CYRIB: variants seen among roughly 807,000 people sequenced by gnomAD.
The protein encoded by CYRIB is CYFIP-related Rac1 interactor B.
CYRIB carries 8 observed loss-of-function variants against 44.2 expected under a neutral mutation model. The ratio of observed to expected loss-of-function variants is 0.18; its 90% CI spans 0.11 to 0.33. The LOEUF is 0.33. CYRIB is among the 10% of genes least tolerant of loss of function. CYRIB has a pLI of 1.00. For synonymous variants in CYRIB, 131 were observed against 127.2 expected, an observed-to-expected ratio of 1.03 and a Z score of -0.20; for missense variants, 185 against 382.8, an observed-to-expected ratio of 0.48 and a Z score of 4.31.
At chr8:129,971,434 T>G (rs2095688026) in intron 1 of CYRIB, among the ~76,000 whole-genome samples, 1 of 152,222 alleles carries the variant, frequency 6.6e-6, no homozygotes, top group Non-Finnish European at 1.5e-5. Context: ...TGAATTGTTT[T>G]GCAAACAGTT....
chr8:129,949,147 T>C (rs1413556301), intron 2 of CYRIB: 1 of 152,144 alleles, frequency 6.6e-6, no homozygotes, highest in African/African-American at 2.4e-5. Context: ...AAAAGATTGA[T>C]AAAGTGTATT....
At chr8:129,978,703 A>C (rs1391206678) in intron 1 of CYRIB, among the ~76,000 whole-genome samples, 1 of 152,202 alleles carries the variant, frequency 6.6e-6, no homozygotes, top group African/African-American at 2.4e-5. Context: ...AAAGATGCTA[A>C]TACACTGGGG....
chr8:129,860,564 ACTGT>A (rs1263438763), intron 5 of CYRIB, among the ~76,000 whole-genome samples: 12 of 152,348 alleles, frequency 7.9e-5, no homozygotes, highest in Middle Eastern at 3.4e-3. Flanking sequence ...TATCCAAACT[ACTGT>A]CTGTCTTAAC....
At chr8:129,894,565 C>A (rs2066961666) in intron 2 of CYRIB, 1 of 152,158 alleles carries the variant, frequency 6.6e-6, no homozygotes, top group Admixed American at 6.5e-5. Flanking sequence ...TTAGGAGGAA[C>A]TGGAGGGTGA....
intron 1 of CYRIB, among the ~76,000 whole-genome samples, chr8:129,912,693 T>C (rs2078659619): frequency 6.6e-6 from 1 of 152,144 alleles, no homozygotes; most frequent in South Asian, 2.1e-4. Context: ...AGGGTCTTAT[T>C]AGGATGCCCA....
chr8:129,971,283 G>A (rs1018503344), intron 1 of CYRIB, among the ~76,000 whole-genome samples: 2 of 152,122 alleles, frequency 1.3e-5, no homozygotes, highest in African/African-American at 4.8e-5. Flanking sequence ...AGTAGAGACA[G>A]GGTTTCATCA....
intron 1 of CYRIB, among the ~76,000 whole-genome samples, chr8:130,004,982 T>C (rs928167064): frequency 2.0e-5 from 3 of 152,002 alleles, no homozygotes; most frequent in Non-Finnish European, 4.4e-5. Context: ...TTGGTCAGGC[T>C]GTTCTCAAAT....
At chr8:130,005,872 C>G (rs1156526264) in intron 1 of CYRIB, among the ~76,000 whole-genome samples, 1 of 152,018 alleles carries the variant, frequency 6.6e-6, no homozygotes, top group Non-Finnish European at 1.5e-5. Context: ...TCTCCACTGT[C>G]CTTTCCATCT....
intron 2 of CYRIB, among the ~76,000 whole-genome samples, chr8:129,881,308 T>A (rs1219419505): frequency 1.3e-5 from 2 of 152,178 alleles, no homozygotes; most frequent in Non-Finnish European, 2.9e-5. Context: ...CACATCCTCC[T>A]CCCTCCAACT....
At chr8:129,957,461 C>T (rs796134506) in intron 2 of CYRIB, among the ~76,000 whole-genome samples, 13 of 152,322 alleles carry the variant, frequency 8.5e-5, no homozygotes, top group African/African-American at 3.1e-4. Flanking sequence ...GAAAAGCAGA[C>T]ACAAGAACTC....
chr8:129,924,291 C>CGGG (rs796090081), intron 1 of CYRIB, among the ~76,000 whole-genome samples: 22 of 1,410 alleles, frequency 0.016, 2 homozygotes, highest in Non-Finnish European at 0.027. Context: ...AAAAAAAAAC[C>CGGG]GGGGGGGGGG....
intron 2 of CYRIB, chr8:129,894,428 G>C (rs774892869): frequency 1.3e-5 from 2 of 152,178 alleles, no homozygotes; most frequent in Non-Finnish European, 2.9e-5. Flanking sequence ...AAGTGTATAT[G>C]CATTTCCTTT....
intron 1 of CYRIB, among the ~76,000 whole-genome samples, chr8:129,939,280 A>ACGAGCCG (rs2093370293): frequency 3.3e-5 from 5 of 150,822 alleles, no homozygotes; most frequent in Admixed American, 2.6e-4. Flanking sequence ...GGGACGAGCC[A>ACGAGCCG]ACGAGCCAGG....
intron 1 of CYRIB, among the ~76,000 whole-genome samples, chr8:129,920,178 AC>A (rs756651558): frequency 2.0e-5 from 3 of 151,946 alleles, no homozygotes; most frequent in Non-Finnish European, 4.4e-5. Flanking sequence ...TATCTTTAAA[AC>A]ATGTAAGTCC....
chr8:129,946,401 T>C (rs972464701), intron 2 of CYRIB, among the ~76,000 whole-genome samples: 13 of 152,352 alleles, frequency 8.5e-5, no homozygotes, highest in African/African-American at 3.1e-4. Context: ...GAATGAACAC[T>C]GAATCCTTTA....
chr8:129,975,912 C>G (rs144706523), intron 1 of CYRIB, among the ~76,000 whole-genome samples: 1 of 152,218 alleles, frequency 6.6e-6, no homozygotes, highest in East Asian at 1.9e-4. Flanking sequence ...CCAAAGCTCC[C>G]CAGGTGATTT....
At chr8:129,849,218 T>G in intron 10 of CYRIB, 25 bp downstream of exon 12, 1 of 1,557,356 alleles carries the variant, frequency 6.4e-7, no homozygotes. Context: ...TCGTTTGAAA[T>G]TATTTATATA....
At chr8:129,897,235 C>T (rs901356806) in intron 2 of CYRIB, among the ~76,000 whole-genome samples, 5 of 152,174 alleles carry the variant, frequency 3.3e-5, no homozygotes, top group Non-Finnish European at 7.3e-5. Flanking sequence ...AGCCATCTCA[C>T]CACTGCTTAA....
intron 1 of CYRIB, among the ~76,000 whole-genome samples, chr8:129,983,009 T>TAA (rs3077880): frequency 0.015 from 2,122 of 138,126 alleles, 43 homozygotes; most frequent in African/African-American, 0.045. Context: ...GTAGAGCTGT[T>TAA]AAAAAAAAAA....
Sources: allele counts gnomAD v4.1 joint callset (sites outside exome capture counted in the v4.1 genomes callset), GRCh38; gene constraint gnomAD v4.1.1; transcripts MANE v1.5; gene names NCBI Gene and HGNC (gene_info 2026-07-23, HGNC 2026-07-21).